SIM2: variants seen among roughly 807,000 people sequenced by gnomAD.
The protein encoded by SIM2 is single-minded homolog 2.
SIM2 carries 28 observed loss-of-function variants against 64.8 expected under a neutral mutation model. The observed-to-expected ratio is 0.43, with a 90% CI of 0.32 to 0.59. The LOEUF is 0.59. Ranked by LOEUF, SIM2 falls within the 20% of genes least tolerant of loss-of-function variation. The probability of loss-of-function intolerance (pLI) is 0.07; values close to 1 mark genes in which losing one functional copy is unlikely to be tolerated. For synonymous variants in SIM2, 408 were observed against 391.1 expected (o/e 1.04, Z -0.51); for missense variants, 847 against 871.4 (o/e 0.97, Z 0.35).
At chr21:36,727,210 T>C (rs1309339311) in intron 6 of SIM2, among the ~76,000 whole-genome samples, 1 of 152,098 alleles carries the variant, frequency 6.6e-6, no homozygotes, top group Non-Finnish European at 1.5e-5. Flanking sequence ...AATTTTTGTA[T>C]TTTTAGTAGA....
intron 10 of SIM2, chr21:36,746,112 T>C: frequency 4.0e-6 from 2 of 495,678 alleles, no homozygotes; most frequent in South Asian, 1.0e-4. Flanking sequence ...GGTCAGGAGT[T>C]TGCGACAAGC....
intron 7 of SIM2, among the ~76,000 whole-genome samples, chr21:36,734,375 A>G (rs75244267): frequency 0.01 from 1,578 of 152,312 alleles, 29 homozygotes; most frequent in African/African-American, 0.035. Flanking sequence ...GTGTTTAGAA[A>G]TTAGACGGGG....
intron 5 of SIM2, among the ~76,000 whole-genome samples, chr21:36,723,464 G>T (rs2088850654): frequency 6.6e-6 from 1 of 152,344 alleles, no homozygotes; most frequent in East Asian, 1.9e-4. Context: ...TGGGCACAGT[G>T]CAGCTGGCAG....
rs376845812 is a variant in SIM2, at chr21:36,745,235, C to G, written c.1576+99C>G. ...GTGGCAGATGGAGACAGAACCCTCA[C>G]GCTTTGGGCAAACTTGCCCTCTTTC... On this transcript the variant is annotated intron_variant, in intron 10 of 10. Transcript: ENST00000290399. This position sits in a 1 kb window ranked among gnomAD's most constrained non-coding sequence, Gnocchi z 4.8. 1.2e-5 allele frequency: 18 copies of G among 1,482,546 alleles called. No individual in the cohort carries two copies. In the African/African-American group the frequency reaches 2.5e-4, roughly 21 times the overall value. The allele number at this position is 1,482,546 out of a possible 1,614,324, so 91.8% of individuals were successfully genotyped here.
In SIM2 at chr21:36,744,844, T is replaced by C. The variant is rs2089208629; in HGVS notation, c.1284T>C (p.Ser428=). Residue 428 remains serine (S), a synonymous_variant, in exon 10 of 11, where the codon AGT becomes AGC. Transcript: ENST00000290399. ...AACTGCAGCCCCACTCAGAAAGCAG[T>C]GACCTTCTGTACACGCCATCCTACA... ...PPELQPHSES[S]DLLYTPSYSL... is the part of the protein sequence containing the mutation. 6.2e-7 allele frequency: 1 copy of C among 1,614,132 alleles called. No homozygotes were observed. The highest frequency in any genetic ancestry group is 1.7e-5 in the Admixed American group (1 of 60,014).
Position 36,747,638 on chromosome 21 carries a change from C to A in SIM2, c.1577-27C>A. On this transcript the variant is annotated intron_variant, in intron 10 of 10. Coordinates refer to ENST00000290399, the MANE Select transcript of SIM2 (RefSeq NM_005069.6). This position sits in a 1 kb window ranked among gnomAD's most constrained non-coding sequence, Gnocchi z 4.5. ...TGGCTGCGGCCGCGCCCCTTGCTGC[C>A]CTCTAACGTGTCGCCTGTCCCCGCA... 8.2e-7 allele frequency: 1 copy of A among 1,225,512 alleles called. No individual in the cohort carries two copies. The highest frequency in any genetic ancestry group is 1.0e-6 in the Non-Finnish European group (1 of 983,706). The allele number at this position is 1,225,512 out of a possible 1,614,324, so 75.9% of individuals were successfully genotyped here.
intron 9 of SIM2, among the ~76,000 whole-genome samples, chr21:36,744,246 G>C (rs1164154392): frequency 6.7e-6 from 1 of 148,314 alleles, no homozygotes; most frequent in Non-Finnish European, 1.5e-5. Flanking sequence ...TCTGTGCCAA[G>C]TGAACTTTGG....
intron 3 of SIM2, among the ~76,000 whole-genome samples, chr21:36,714,191 G>A (rs762655831): frequency 6.6e-6 from 1 of 152,186 alleles, no homozygotes; most frequent in Non-Finnish European, 1.5e-5. Flanking sequence ...ACCCAGACTA[G>A]TTTCTACTTC....
chr21:36,713,151 C>T (rs1482646292), intron 3 of SIM2, among the ~76,000 whole-genome samples: 2 of 152,170 alleles, frequency 1.3e-5, no homozygotes, highest in Non-Finnish European at 1.5e-5. Context: ...GTCGTTTCAG[C>T]AAAGCATTTT....
intron 2 of SIM2, chr21:36,709,567 C>G: frequency 2.0e-6 from 1 of 502,618 alleles, no homozygotes. Flanking sequence ...CTTCCCTCAG[C>G]AGGTTCCACC....
At chr21:36,709,455 C>T (rs1300323150) in intron 2 of SIM2, 3 of 690,012 alleles carry the variant, frequency 4.3e-6, no homozygotes, top group Non-Finnish European at 5.3e-6. Context: ...CCTAACCCTA[C>T]GTCTGCCCCC....
intron 7 of SIM2, among the ~76,000 whole-genome samples, chr21:36,737,827 G>A (rs1419866984): frequency 1.3e-5 from 2 of 151,812 alleles, no homozygotes; most frequent in African/African-American, 4.8e-5. Context: ...CGGGCGTGGT[G>A]GCATTCGCCT....
chr21:36,725,981 G>T (rs905634731), intron 5 of SIM2, 138 bp from the exon 6 acceptor site: 1 of 668,930 alleles, frequency 1.5e-6, no homozygotes, highest in African/African-American at 1.8e-5. Flanking sequence ...ACCGGTGCCT[G>T]TCAGCACATT....
At chr21:36,730,913 T>C (rs780255016) in intron 6 of SIM2, 132 bp from the exon 7 acceptor site, 3 of 650,662 alleles carry the variant, frequency 4.6e-6, no homozygotes, top group South Asian at 3.8e-5. Flanking sequence ...AAAAAGATCA[T>C]TCTCAGTTTC....
intron 2 of SIM2, 182 bp downstream of exon 2, chr21:36,709,432 C>T (rs1375832501): frequency 1.4e-6 from 1 of 704,104 alleles, no homozygotes; most frequent in Non-Finnish European, 2.6e-6. Flanking sequence ...ATGCGGCCTG[C>T]GGCCAACCCT....
intron 1 of SIM2, 122 bp from the exon 2 acceptor site, chr21:36,709,046 G>C: frequency 1.3e-6 from 1 of 789,996 alleles, no homozygotes; most frequent in South Asian, 1.9e-5. Flanking sequence ...GGAGGCGGCG[G>C]GGAGACGCGC....
At chr21:36,705,708 C>T (rs2088571260) in intron 1 of SIM2, among the ~76,000 whole-genome samples, 1 of 152,160 alleles carries the variant, frequency 6.6e-6, no homozygotes, top group South Asian at 2.1e-4. Flanking sequence ...GGTGGGGCTC[C>T]CAAACCGTTC....
At chr21:36,746,760 G>C (rs913789815) in intron 10 of SIM2, among the ~76,000 whole-genome samples, 2 of 152,174 alleles carry the variant, frequency 1.3e-5, no homozygotes, top group African/African-American at 4.8e-5. Flanking sequence ...GAACATCCAA[G>C]CAAAGGAAGA....
intron 3 of SIM2, among the ~76,000 whole-genome samples, chr21:36,717,892 G>A (rs557651244): frequency 2.0e-5 from 3 of 152,330 alleles, no homozygotes; most frequent in Non-Finnish European, 4.4e-5. Context: ...TAACAGGAAT[G>A]ACTCGAAAGA....
Sources: allele counts gnomAD v4.1 joint callset (sites outside exome capture counted in the v4.1 genomes callset), GRCh38; gene constraint gnomAD v4.1.1; non-coding constraint Gnocchi (gnomAD v3.1); transcripts MANE v1.5; gene names NCBI Gene and HGNC (gene_info 2026-07-23, HGNC 2026-07-21).